Variants in NRG1 observed in about 807,000 individuals in gnomAD.
NRG1 encodes pro-neuregulin-1, membrane-bound isoform.
NRG1 carries 18 observed loss-of-function variants against 63.8 expected under a neutral mutation model. That is an observed-to-expected ratio of 0.28 (90% confidence interval 0.19 to 0.42). The LOEUF (loss-of-function observed/expected upper bound fraction) is 0.42. NRG1 is among the 10% of genes least tolerant of loss of function. The pLI is 1.00. For missense variants in NRG1, 762 were observed against 814.7 expected, an observed-to-expected ratio of 0.94 and a Z score of 0.79; for synonymous variants, 302 against 301.3, an observed-to-expected ratio of 1.00 and a Z score of -0.02.
intron 1 of NRG1, among the ~76,000 whole-genome samples, chr8:31,695,761 G>A (rs1809998268): frequency 6.6e-6 from 1 of 152,052 alleles, no homozygotes. Flanking sequence ...AAGATAGGGG[G>A]GTTGAAAGTT....
chr8:32,400,324 A>G (rs1013166381), intron 1 of NRG1, among the ~76,000 whole-genome samples: 1 of 152,182 alleles, frequency 6.6e-6, no homozygotes, highest in African/African-American at 2.4e-5. Context: ...CTCTACCAAA[A>G]ATACAAAAAT....
At chr8:32,097,375 G>A (rs1027262075) in intron 1 of NRG1, among the ~76,000 whole-genome samples, 1 of 152,124 alleles carries the variant, frequency 6.6e-6, no homozygotes, top group Admixed American at 6.6e-5. Context: ...TGAGATTGCT[G>A]GATCATATGG....
intron 1 of NRG1, among the ~76,000 whole-genome samples, chr8:32,417,925 T>G (rs1429363381): frequency 1.3e-5 from 2 of 152,132 alleles, no homozygotes; most frequent in African/African-American, 4.8e-5. Context: ...ATCACTTATT[T>G]TTTATGCACC....
chr8:31,721,891 AT>A (rs1175072178), intron 1 of NRG1, among the ~76,000 whole-genome samples: 2 of 152,084 alleles, frequency 1.3e-5, no homozygotes, highest in Non-Finnish European at 2.9e-5. Context: ...TTGTATCATA[AT>A]CCCTCTCACC....
At chr8:32,570,367 G>A (rs545980990) in intron 1 of NRG1, among the ~76,000 whole-genome samples, 11 of 152,148 alleles carry the variant, frequency 7.2e-5, no homozygotes, top group African/African-American at 2.7e-4. Context: ...GCTAGGTTCT[G>A]GAAATAAACA....
chr8:32,485,398 C>T (rs911925808), intron 1 of NRG1, among the ~76,000 whole-genome samples: 5 of 147,240 alleles, frequency 3.4e-5, no homozygotes, highest in African/African-American at 1.0e-4. Flanking sequence ...GAGCCACACA[C>T]CCGGTCTGCT....
chr8:32,389,495 A>G (rs181185285), intron 1 of NRG1, among the ~76,000 whole-genome samples: 1 of 152,170 alleles, frequency 6.6e-6, no homozygotes, highest in East Asian at 1.9e-4. Flanking sequence ...TCTCTTCTTC[A>G]TTTCACTTGT....
chr8:32,437,242 C>T (rs952399966), intron 1 of NRG1, among the ~76,000 whole-genome samples: 8 of 152,104 alleles, frequency 5.3e-5, no homozygotes, highest in Non-Finnish European at 7.3e-5. Flanking sequence ...CCTCCATTCC[C>T]GCAGCTTCCC....
In NRG1 at chr8:31,639,464, G is replaced by T. The variant is rs1464116221; in HGVS notation, c.37+33G>T. 5 of 1,531,844 alleles carry T rather than the reference G, an allele frequency of 3.3e-6. No homozygotes were observed. In the East Asian group the frequency reaches 9.8e-5, roughly 30 times the overall value. The allele number at this position is 1,531,844 out of a possible 1,614,324, so 94.9% of individuals were successfully genotyped here. On this transcript the variant is annotated intron_variant, in intron 1 of 10. Transcript: ENST00000519301. The stretch of plus-strand genomic sequence containing the variant: ...GGCTGGCGAGGCGCAGGACGCTGTC[G>T]CCGCCGCGGCCACCCAGCGATTTCC...
At chr8:31,783,603 C>CAAAAA (rs772436543) in intron 1 of NRG1, among the ~76,000 whole-genome samples, 67 of 110,574 alleles carry the variant, frequency 6.1e-4, no homozygotes, top group Non-Finnish European at 1.1e-3. Context: ...TGTTTTCAGG[C>CAAAAA]AAAAAAAAAA....
At chr8:32,297,464 A>C (rs1366475923) in intron 1 of NRG1, among the ~76,000 whole-genome samples, 2 of 151,820 alleles carry the variant, frequency 1.3e-5, no homozygotes, top group Non-Finnish European at 2.9e-5. Context: ...AAGTATATGA[A>C]TAGGTAGCAA....
chr8:32,230,256 G>T (rs1846780149), intron 1 of NRG1, among the ~76,000 whole-genome samples: 1 of 152,164 alleles, frequency 6.6e-6, no homozygotes, highest in Admixed American at 6.5e-5. Flanking sequence ...TCAGCTTGGG[G>T]CAGCCAACAA....
intron 1 of NRG1, among the ~76,000 whole-genome samples, chr8:31,921,745 G>A (rs1319147972): frequency 6.6e-6 from 1 of 152,120 alleles, no homozygotes; most frequent in Non-Finnish European, 1.5e-5. Flanking sequence ...TCCATGAGAT[G>A]TTGAGCACTA....
intron 1 of NRG1, among the ~76,000 whole-genome samples, chr8:31,663,699 G>A (rs1806238867): frequency 6.6e-6 from 1 of 152,166 alleles, no homozygotes; most frequent in Non-Finnish European, 1.5e-5. Context: ...GCTGGGTTAT[G>A]TCCAGTTAAT....
At chr8:32,749,578 T>C in intron 7 of NRG1, 1 of 1,613,908 alleles carries the variant, frequency 6.2e-7, no homozygotes, top group Non-Finnish European at 8.5e-7. Flanking sequence ...TGGGATTGAA[T>C]TTATGGGTAT....
chr8:32,393,633 C>G (rs1221800029), intron 1 of NRG1, among the ~76,000 whole-genome samples: 1 of 152,084 alleles, frequency 6.6e-6, no homozygotes, highest in African/African-American at 2.4e-5. Flanking sequence ...AATGCAGGAA[C>G]AGAAAACCAA....
intron 1 of NRG1, among the ~76,000 whole-genome samples, chr8:32,160,559 A>G (rs1838712512): frequency 6.6e-6 from 1 of 152,218 alleles, no homozygotes; most frequent in African/African-American, 2.4e-5. Flanking sequence ...GAAATAAGTG[A>G]ACATCTTCAT....
chr8:32,307,985 T>G (rs1856409137), intron 1 of NRG1, among the ~76,000 whole-genome samples: 1 of 152,192 alleles, frequency 6.6e-6, no homozygotes, highest in Non-Finnish European at 1.5e-5. Context: ...GCTCAGCCAG[T>G]GAACTCCGAC....
chr8:32,728,133 A>T (rs1822708584), intron 6 of NRG1, 55 bp downstream of exon 6: 2 of 1,602,752 alleles, frequency 1.2e-6, no homozygotes, highest in Non-Finnish European at 1.7e-6. Flanking sequence ...GTTTCAGATG[A>T]TTCTATGTCT....
Sources: gnomAD v4.1 joint callset for allele counts (sites outside exome capture counted in the v4.1 genomes callset) on GRCh38, gnomAD v4.1.1 for gene constraint, MANE v1.5 for transcripts, NCBI Gene and HGNC (gene_info 2026-07-23, HGNC 2026-07-21) for gene names.